The following AKT3 variants were observed in gnomAD, a reference collection of about 807,000 sequenced individuals.
AKT3 encodes RAC-gamma serine/threonine-protein kinase.
A neutral mutation model predicts 65.3 loss-of-function variants in AKT3; 15 were observed. That is an observed-to-expected ratio of 0.23 (90% CI 0.15 to 0.35). The LOEUF is 0.35. Among genes scored for constraint, AKT3 ranks in the 10% least tolerant of loss-of-function variants. The pLI is 1.00. For missense variants in AKT3, 243 were observed against 576.5 expected, an observed-to-expected ratio of 0.42 and a Z score of 5.92; for synonymous variants, 206 against 183.8, an observed-to-expected ratio of 1.12 and a Z score of -0.98.
intron 6 of AKT3, among the ~76,000 whole-genome samples, chr1:243,633,786 G>A (rs187466564): frequency 5.7e-4 from 87 of 152,146 alleles, no homozygotes; most frequent in African/African-American, 2.0e-3. Flanking sequence ...TCCTTATCAC[G>A]ACTCACTTTA....
intron 1 of AKT3, among the ~76,000 whole-genome samples, chr1:243,848,213 CTTCAAGTACCATCTCCCTGTAAACT>C (rs1261651621): frequency 2.0e-5 from 3 of 152,102 alleles, no homozygotes; most frequent in Admixed American, 1.3e-4. Flanking sequence ...ACAAAAAGAT[CTTCAAGTACCATCTCCCTGTAAACT>C]TTCAAGTACT....
At chr1:243,764,733 C>T (rs1488275171) in intron 2 of AKT3, among the ~76,000 whole-genome samples, 1 of 151,968 alleles carries the variant, frequency 6.6e-6, no homozygotes, top group Non-Finnish European at 1.5e-5. Context: ...TAGAAAGGTG[C>T]CCCATAACTA....
chr1:243,488,864 A>C (rs879731321), intron 13 of AKT3: 20 of 1,019,956 alleles, frequency 2.0e-5, no homozygotes, highest in South Asian at 5.4e-5. Context: ...CCAAGGACCT[A>C]GTGCCAGCCA....
intron 12 of AKT3, among the ~76,000 whole-genome samples, chr1:243,517,803 T>G (rs560750558): frequency 1.3e-5 from 2 of 152,382 alleles, no homozygotes; most frequent in Admixed American, 6.5e-5. Flanking sequence ...ATGTGATTAT[T>G]GATACGAGTA....
intron 2 of AKT3, among the ~76,000 whole-genome samples, chr1:243,830,735 G>A (rs957507119): frequency 6.6e-6 from 1 of 152,106 alleles, no homozygotes; most frequent in Non-Finnish European, 1.5e-5. Flanking sequence ...CGTTCTAAGA[G>A]TAAAGCAAAA....
chr1:243,634,436 C>T (rs191872305), intron 6 of AKT3, among the ~76,000 whole-genome samples: 2 of 151,904 alleles, frequency 1.3e-5, no homozygotes, highest in East Asian at 3.9e-4. Flanking sequence ...TTAACAGCTA[C>T]TATTAAAAGT....
intron 2 of AKT3, among the ~76,000 whole-genome samples, chr1:243,841,245 T>C (rs1695221488): frequency 1.3e-5 from 2 of 152,148 alleles, no homozygotes; most frequent in Non-Finnish European, 2.9e-5. Context: ...TATAATTAAT[T>C]AAACAGACTA....
rs138635704 is a variant in AKT3 at position 243,733,439 on chromosome 1, G to A, written c.47-37723C>T. ...TATTCAAATGGAATACTATACAGCA[G>A]CTAAAAGGCATAACCTACCAATAGC... On this transcript the variant is annotated intron_variant, in intron 2 of 13. Coordinates refer to ENST00000673466, the MANE Select transcript of AKT3 (RefSeq NM_005465.7). Among the ~76,000 whole-genome samples the A allele has an allele frequency of 1.1e-4, 17 of 152,278 alleles. No homozygotes were observed. In the East Asian group the frequency reaches 3.3e-3, roughly 29 times the overall value.
intron 2 of AKT3, among the ~76,000 whole-genome samples, chr1:243,768,887 A>G (rs937439043): frequency 1.3e-5 from 2 of 151,900 alleles, no homozygotes; most frequent in Non-Finnish European, 2.9e-5. Context: ...TCGCCATTTT[A>G]AAGTATACAA....
chr1:243,844,429 G>A (rs1293741076), intron 1 of AKT3, among the ~76,000 whole-genome samples: 1 of 152,200 alleles, frequency 6.6e-6, no homozygotes, highest in African/African-American at 2.4e-5. Flanking sequence ...GAGCTCTTGG[G>A]AAGACAATGC....
chr1:243,508,106 C>T (rs1669783425), intron 13 of AKT3, among the ~76,000 whole-genome samples: 1 of 152,204 alleles, frequency 6.6e-6, no homozygotes, highest in South Asian at 2.1e-4. Flanking sequence ...TAGGGAGCTG[C>T]AACGGTTTCT....
chr1:243,651,255 C>T (rs1203117065), intron 4 of AKT3, among the ~76,000 whole-genome samples: 2 of 152,172 alleles, frequency 1.3e-5, no homozygotes, highest in Non-Finnish European at 2.9e-5. Flanking sequence ...TATCCTGAGA[C>T]TTTGCCGAAG....
At chr1:243,795,422 C>T (rs1266172109) in intron 2 of AKT3, among the ~76,000 whole-genome samples, 2 of 148,186 alleles carry the variant, frequency 1.3e-5, no homozygotes, top group East Asian at 4.0e-4. Context: ...TTCTATAGTT[C>T]AGGCGTAGGT....
intron 9 of AKT3, among the ~76,000 whole-genome samples, chr1:243,564,658 T>C (rs572637355): frequency 5.3e-5 from 8 of 152,262 alleles, no homozygotes; most frequent in South Asian, 4.1e-4. Context: ...GAACCTAAGA[T>C]TATGATTATC....
chr1:243,797,797 G>A (rs1319759309), intron 2 of AKT3, among the ~76,000 whole-genome samples: 1 of 150,832 alleles, frequency 6.6e-6, no homozygotes, highest in Non-Finnish European at 1.5e-5. Context: ...TATCAGAAGA[G>A]CTTCTACATA....
intron 6 of AKT3, among the ~76,000 whole-genome samples, chr1:243,631,696 T>A (rs986360003): frequency 1.2e-4 from 19 of 152,242 alleles, no homozygotes; most frequent in Non-Finnish European, 2.5e-4. Flanking sequence ...AGCACAACTT[T>A]CTTCACAATC....
chr1:243,532,729 A>C (rs1671625873), intron 12 of AKT3, among the ~76,000 whole-genome samples: 1 of 152,056 alleles, frequency 6.6e-6, no homozygotes, highest in African/African-American at 2.4e-5. Context: ...ACTGGCATTA[A>C]TTTTTCTTTA....
chr1:243,607,592 T>C (rs1282726692), intron 8 of AKT3, among the ~76,000 whole-genome samples: 2 of 152,224 alleles, frequency 1.3e-5, no homozygotes, highest in African/African-American at 4.8e-5. Flanking sequence ...AGAAGAGACT[T>C]GCCTTGTCTC....
chr1:243,758,437 CT>C (rs1019841369), intron 2 of AKT3, among the ~76,000 whole-genome samples: 10 of 152,032 alleles, frequency 6.6e-5, no homozygotes, highest in African/African-American at 2.4e-4. Flanking sequence ...TGGAAAATGC[CT>C]GACATGTTCC....
Sources: allele counts gnomAD v4.1 joint callset (sites outside exome capture counted in the v4.1 genomes callset), GRCh38; gene constraint gnomAD v4.1.1; transcripts MANE v1.5; gene names NCBI Gene and HGNC (gene_info 2026-07-23, HGNC 2026-07-21).